MGMT: variants seen among roughly 807,000 people sequenced by gnomAD.
MGMT encodes the protein methylated-DNA--protein-cysteine methyltransferase.
MGMT carries 14 observed loss-of-function variants against 15.9 expected under a neutral mutation model. The observed-to-expected ratio is 0.88, with a 90% CI of 0.58 to 1.37. The LOEUF (loss-of-function observed/expected upper bound fraction) is 1.37. MGMT is among the 40% of genes most tolerant of loss of function. The pLI, the probability that MGMT is intolerant of heterozygous loss-of-function variation, is 0.00. For synonymous variants in MGMT, 130 were observed against 118.2 expected, an observed-to-expected ratio of 1.10 and a Z score of -0.65; for missense variants, 282 against 268.1, an observed-to-expected ratio of 1.05 and a Z score of -0.36.
At chr10:129,614,395 G>A (rs12266634) in intron 2 of MGMT, among the ~76,000 whole-genome samples, 1 of 151,954 alleles carries the variant, frequency 6.6e-6, no homozygotes, top group East Asian at 1.9e-4. Context: ...TGGGCTTTCC[G>A]AGCCTGCGCT....
At chr10:129,695,991 C>T (rs912985153) in intron 2 of MGMT, among the ~76,000 whole-genome samples, 3 of 152,078 alleles carry the variant, frequency 2.0e-5, no homozygotes, top group East Asian at 1.9e-4. Context: ...GCTTTGTCCT[C>T]GCGGTCTTAC....
At chr10:129,529,472 C>T (rs969613202) in intron 1 of MGMT, among the ~76,000 whole-genome samples, 17 of 152,096 alleles carry the variant, frequency 1.1e-4, no homozygotes, top group Admixed American at 5.9e-4. Flanking sequence ...TTAATGCTGC[C>T]GCTGACCTGA....
chr10:129,568,409 A>G (rs565978099), intron 2 of MGMT, among the ~76,000 whole-genome samples: 8 of 152,300 alleles, frequency 5.3e-5, no homozygotes, highest in Non-Finnish European at 8.8e-5. Flanking sequence ...CACGGGGGCA[A>G]ATGTCCTGGG....
intron 2 of MGMT, among the ~76,000 whole-genome samples, chr10:129,679,645 A>G (rs1005647393): frequency 1.3e-5 from 2 of 152,182 alleles, no homozygotes; most frequent in Non-Finnish European, 1.5e-5. Context: ...AGGTGTTAAC[A>G]TTCAGCAAAC....
chr10:129,687,570 G>A (rs752825377), intron 2 of MGMT, among the ~76,000 whole-genome samples: 21 of 152,076 alleles, frequency 1.4e-4, no homozygotes, highest in Non-Finnish European at 2.4e-4. Context: ...GCTCCACCCC[G>A]TCCTCCTAGT....
At chr10:129,705,369 A>G (rs1334527484) in intron 2 of MGMT, among the ~76,000 whole-genome samples, 8 of 152,238 alleles carry the variant, frequency 5.3e-5, no homozygotes, top group African/African-American at 1.7e-4. Context: ...ATTTCCGCCC[A>G]CAGTACACTT....
chr10:129,615,892 T>G (rs532248), intron 2 of MGMT, among the ~76,000 whole-genome samples: 3 of 151,878 alleles, frequency 2.0e-5, no homozygotes, highest in African/African-American at 7.3e-5. Context: ...GGGACCAGGA[T>G]GAATGGGTCT....
intron 2 of MGMT, among the ~76,000 whole-genome samples, chr10:129,656,454 G>A (rs1314937406): frequency 6.6e-6 from 1 of 152,192 alleles, no homozygotes; most frequent in Non-Finnish European, 1.5e-5. Flanking sequence ...GTCCTTTCTG[G>A]TGTGAACTCC....
At chr10:129,637,197 A>G (rs1847273174) in intron 2 of MGMT, among the ~76,000 whole-genome samples, 1 of 152,196 alleles carries the variant, frequency 6.6e-6, no homozygotes, top group Non-Finnish European at 1.5e-5. Context: ...TGTCATTCCC[A>G]GGGAGAACTA....
intron 2 of MGMT, among the ~76,000 whole-genome samples, chr10:129,628,758 G>A (rs1847178907): frequency 6.6e-6 from 1 of 152,180 alleles, no homozygotes; most frequent in Non-Finnish European, 1.5e-5. Context: ...AATAAAGCTG[G>A]CCCTCACGGG....
At chr10:129,705,954 T>C (rs2133140242) in intron 2 of MGMT, among the ~76,000 whole-genome samples, 1 of 152,326 alleles carries the variant, frequency 6.6e-6, no homozygotes, top group African/African-American at 2.4e-5. Flanking sequence ...GAGCTGGGGT[T>C]GGAGCTGAGA....
At chr10:129,525,127 C>T (rs1023603146) in intron 1 of MGMT, among the ~76,000 whole-genome samples, 2 of 152,178 alleles carry the variant, frequency 1.3e-5, no homozygotes, top group African/African-American at 4.8e-5. Flanking sequence ...TTCTTTCACA[C>T]ACACACACAG....
intron 2 of MGMT, among the ~76,000 whole-genome samples, chr10:129,613,066 C>G (rs189644193): frequency 6.6e-6 from 1 of 152,158 alleles, no homozygotes; most frequent in Non-Finnish European, 1.5e-5. Context: ...TTATTCATTC[C>G]TGTTCACTCT....
intron 2 of MGMT, among the ~76,000 whole-genome samples, chr10:129,672,591 G>A (rs575962727): frequency 6.6e-6 from 1 of 152,224 alleles, no homozygotes; most frequent in East Asian, 1.9e-4. Context: ...CAGTTCATTA[G>A]TTTTCTTTGC....
chr10:129,499,970 C>T (rs530949060), intron 1 of MGMT, among the ~76,000 whole-genome samples: 4 of 152,192 alleles, frequency 2.6e-5, no homozygotes, highest in East Asian at 1.9e-4. Flanking sequence ...AGAATATAAC[C>T]GACTGAAAAA....
chr10:129,676,335 G>T (rs1847785777), intron 2 of MGMT, among the ~76,000 whole-genome samples: 1 of 152,324 alleles, frequency 6.6e-6, no homozygotes, highest in African/African-American at 2.4e-5. Flanking sequence ...GCACCCACCA[G>T]TTCCTTCTGT....
intron 2 of MGMT, among the ~76,000 whole-genome samples, chr10:129,546,214 C>T (rs923461627): frequency 6.6e-6 from 1 of 152,266 alleles, no homozygotes; most frequent in Admixed American, 6.5e-5. Context: ...GCCCCACCTG[C>T]AGCCCAAGCC....
intron 2 of MGMT, among the ~76,000 whole-genome samples, chr10:129,628,145 G>C (rs533522210): frequency 8.5e-5 from 13 of 152,254 alleles, no homozygotes; most frequent in African/African-American, 2.2e-4. Flanking sequence ...CAGATGCTTT[G>C]GGGTGTTTTC....
At chr10:129,725,507 C>T (rs1380648146) in intron 3 of MGMT, among the ~76,000 whole-genome samples, 5 of 152,242 alleles carry the variant, frequency 3.3e-5, no homozygotes, top group Non-Finnish European at 7.3e-5. Flanking sequence ...AAATTAATAG[C>T]GTTCCTGGAC....
Sources: allele counts gnomAD v4.1 joint callset (sites outside exome capture counted in the v4.1 genomes callset), GRCh38; gene constraint gnomAD v4.1.1; transcripts MANE v1.5; gene names NCBI Gene and HGNC (gene_info 2026-07-23, HGNC 2026-07-21).